KAT6A: variants seen among roughly 807,000 people sequenced by gnomAD.
The protein encoded by KAT6A is lysine acetyltransferase 6A.
KAT6A carries 9 observed loss-of-function variants against 198.4 expected under a neutral mutation model. The ratio of observed to expected loss-of-function variants is 0.05; its 90% CI spans 0.03 to 0.08. The LOEUF (loss-of-function observed/expected upper bound fraction) is 0.08, where lower values mean the gene tolerates loss of function less well. KAT6A is among the 10% of genes least tolerant of loss of function. The pLI, the probability that KAT6A is intolerant of heterozygous loss-of-function variation, is 1.00. For synonymous variants in KAT6A, 890 were observed against 883.0 expected (o/e 1.01, Z -0.14); for missense variants, 2,077 against 2,509.9 (o/e 0.83, Z 3.69).
At chr8:42,026,404 CA>C (rs146292215) in intron 2 of KAT6A, among the ~76,000 whole-genome samples, 2 of 152,252 alleles carry the variant, frequency 1.3e-5, no homozygotes, top group East Asian at 3.9e-4. Context: ...AATCCATGAA[CA>C]GGGGATGTCT....
At chr8:41,965,816 G>A (rs1823452231) in intron 8 of KAT6A, among the ~76,000 whole-genome samples, 1 of 152,136 alleles carries the variant, frequency 6.6e-6, no homozygotes, top group Non-Finnish European at 1.5e-5. Context: ...GGGATTTTAA[G>A]GTACCCCCAT....
At chr8:41,942,449 A>C (rs530404434) in intron 14 of KAT6A, 22 of 324,536 alleles carry the variant, frequency 6.8e-5, no homozygotes, top group African/African-American at 4.6e-4. Context: ...CCCAACCTCC[A>C]TTTCATTTTT....
chr8:41,969,086 G>A (rs116480442), intron 8 of KAT6A, among the ~76,000 whole-genome samples: 2,333 of 152,096 alleles, frequency 0.015, 54 homozygotes, highest in African/African-American at 0.052. Context: ...GCCCCTCCCC[G>A]TACCATAGTT....
Position 41,978,730 on chromosome 8 carries a change from G to T in KAT6A, c.955C>A (p.Leu319Ile), listed in dbSNP as rs1433153346. 1 of 1,613,704 alleles carries T rather than the reference G, an allele frequency of 6.2e-7. No individual in the cohort carries two copies. The highest frequency in any genetic ancestry group is 1.3e-5 in the African/African-American group (1 of 74,846). ...ATCTGTGCTGCCTTCTTTTGTAGAAGTTTTCGTCCTTTTTTCCTAGGTCGA... is the reference window on the plus strand; with the variant it reads ...ATCTGTGCTGCCTTCTTTTGTAGAATTTTTCGTCCTTTTTTCCTAGGTCGA... ...ICRPRKKGRK[L>I]LQKKAAQIKR... The change falls in exon 6 of 17, where the codon CTT becomes ATT. Residue 319 changes from leucine (L) to isoleucine (I), a missense_variant. Transcript: ENST00000265713.
intron 2 of KAT6A, among the ~76,000 whole-genome samples, chr8:42,022,082 C>G (rs1826567228): frequency 6.6e-6 from 1 of 152,180 alleles, no homozygotes; most frequent in Non-Finnish European, 1.5e-5. Context: ...CGTTTGACCT[C>G]TATGAGCCTT....
Position 41,942,871 on chromosome 8 carries a change from G to A in KAT6A, c.2358C>T (p.Val786=), listed in dbSNP as rs761721531. The part of the protein sequence containing the change: ...WTPVIVSNSV[V]SEEEEEEAEE... Reference sequence around the variant, plus strand: ...CAGCCTCCTCTTCTTCCTCCTCTGAGACCACAGAGTTGGACACTATGACTG... The same window carrying A: ...CAGCCTCCTCTTCTTCCTCCTCTGAAACCACAGAGTTGGACACTATGACTG... The change falls in exon 14 of 17, where the codon GTC becomes GTT. Residue 786 remains valine, a synonymous_variant. Coordinates refer to ENST00000265713, the MANE Select transcript of KAT6A (RefSeq NM_006766.5). 5 of 1,613,978 alleles carry A rather than the reference G, an allele frequency of 3.1e-6. No homozygotes were observed. Among genetic ancestry groups the A allele is most frequent in the African/African-American group, 1.3e-5 (1 of 74,960 alleles).
intron 2 of KAT6A, among the ~76,000 whole-genome samples, chr8:42,002,074 T>G (rs1825522992): frequency 6.6e-6 from 1 of 152,210 alleles, no homozygotes; most frequent in Non-Finnish European, 1.5e-5. Flanking sequence ...TACTGAGAAC[T>G]TAATCACAAG....
At chr8:41,959,960 GAAA>G (rs879899085) in intron 8 of KAT6A, among the ~76,000 whole-genome samples, 3 of 114,088 alleles carry the variant, frequency 2.6e-5, no homozygotes, top group African/African-American at 9.6e-5. Context: ...TGTCTTTAAA[GAAA>G]AAAAAAAAAA....
chr8:42,017,999 C>T (rs1188554190), intron 2 of KAT6A, among the ~76,000 whole-genome samples: 5 of 152,096 alleles, frequency 3.3e-5, no homozygotes, highest in Admixed American at 6.6e-5. Context: ...AAAGAAAAGA[C>T]GAGGGCATGA....
intron 3 of KAT6A, among the ~76,000 whole-genome samples, chr8:41,982,663 T>C (rs1002457382): frequency 6.6e-6 from 1 of 152,208 alleles, no homozygotes; most frequent in Non-Finnish European, 1.5e-5. Flanking sequence ...TTAGTGGTTG[T>C]CTGGGTTATC....
intron 2 of KAT6A, among the ~76,000 whole-genome samples, chr8:42,037,555 T>C (rs1188619282): frequency 6.6e-6 from 1 of 152,206 alleles, no homozygotes; most frequent in Non-Finnish European, 1.5e-5. Flanking sequence ...TCAGGTCAAC[T>C]ACAGTTCACA....
intron 8 of KAT6A, chr8:41,957,207 T>G (rs780539359): frequency 1.7e-6 from 1 of 582,666 alleles, no homozygotes; most frequent in South Asian, 1.4e-5. Context: ...CTGTGGTAGG[T>G]TCCCCTCTGC....
At position 41,943,807 on chromosome 8, in the gene KAT6A, G is replaced by A. The variant is rs373967376; in HGVS notation, c.2169C>T (p.Cys723=). The A allele has an allele frequency of 2.4e-5, 39 of 1,613,930 alleles. No homozygotes were observed. Among genetic ancestry groups the A allele is most frequent in the Non-Finnish European group, 3.2e-5 (38 of 1,179,980 alleles). ...IKKLSKLTGI[C]PQDITSTLHH... is the part of the protein sequence containing the mutation. ...GGAGTGTGGAAGTGATGTCTTGAGG[G>A]CAGATTCCAGTCAACTTGCTTAACT... Residue 723 remains cysteine (C), a synonymous_variant, in exon 13 of 17, where the codon TGC becomes TGT. Coordinates refer to ENST00000265713, the MANE Select transcript of KAT6A (RefSeq NM_006766.5).
At chr8:41,982,576 G>A (rs1326610561) in intron 3 of KAT6A, among the ~76,000 whole-genome samples, 1 of 152,160 alleles carries the variant, frequency 6.6e-6, no homozygotes, top group Non-Finnish European at 1.5e-5. Flanking sequence ...ACACTGTTCT[G>A]AGTAGCATAA....
intron 2 of KAT6A, among the ~76,000 whole-genome samples, chr8:42,030,915 T>G (rs957006240): frequency 6.6e-6 from 1 of 151,476 alleles, no homozygotes; most frequent in Admixed American, 6.6e-5. Context: ...TTTGTATATG[T>G]GGTCTACTGT....
intron 2 of KAT6A, among the ~76,000 whole-genome samples, chr8:42,020,613 G>A (rs2150914787): frequency 6.6e-6 from 1 of 152,302 alleles, no homozygotes; most frequent in African/African-American, 2.4e-5. Flanking sequence ...CTGAATGAAT[G>A]TCTGAAAATA....
intron 2 of KAT6A, among the ~76,000 whole-genome samples, chr8:42,045,792 T>TA (rs1802239781): frequency 7.1e-6 from 1 of 140,966 alleles, no homozygotes; most frequent in Admixed American, 7.5e-5. Flanking sequence ...GCCAACATGG[T>TA]GAAACCCTGT....
In KAT6A at chr8:41,955,267, CAGA is replaced by C. The variant is rs752593210; in HGVS notation, c.1598+26_1598+28del. ...TTCCAGACTTCTATGGATCTCAAAA[CAGA>C]AGGTCAAGGGTCTCTCAAAACATAC... On this transcript the variant is annotated intron_variant, in intron 9 of 16. Transcript: ENST00000265713. 3.0e-6 allele frequency: 4 copies of C among 1,338,346 alleles called. No individual in the cohort carries two copies. In the East Asian group the frequency reaches 6.9e-5, roughly 23 times the overall value. 82.9% of individuals were successfully genotyped at this position (1,338,346 alleles called of 1,614,324 possible).
chr8:41,946,029 CTCA>C (rs1822366900), intron 12 of KAT6A, among the ~76,000 whole-genome samples: 1 of 138,920 alleles, frequency 7.2e-6, no homozygotes, highest in African/African-American at 2.7e-5. Flanking sequence ...GACTCTGTCT[CTCA>C]AAAAAAAAAA....
Sources: allele counts gnomAD v4.1 joint callset (sites outside exome capture counted in the v4.1 genomes callset), GRCh38; gene constraint gnomAD v4.1.1; transcripts MANE v1.5; gene names NCBI Gene and HGNC (gene_info 2026-07-23, HGNC 2026-07-21).